The following PBX1 variants were observed in gnomAD, a reference collection of about 807,000 sequenced individuals.
The protein encoded by PBX1 is pre-B-cell leukemia transcription factor 1.
A neutral mutation model predicts 53.4 loss-of-function variants in PBX1; 6 were observed. The observed-to-expected ratio is 0.11, with a 90% CI of 0.06 to 0.22. PBX1 has a LOEUF of 0.22. PBX1 is among the 10% of genes least tolerant of loss of function. The pLI, the probability that PBX1 is intolerant of heterozygous loss-of-function variation, is 1.00. For synonymous variants in PBX1, 204 were observed against 212.3 expected, an observed-to-expected ratio of 0.96 and a Z score of 0.34; for missense variants, 251 against 551.4, an observed-to-expected ratio of 0.46 and a Z score of 5.46.
intron 3 of PBX1, among the ~76,000 whole-genome samples, chr1:164,797,317 G>C (rs187753804): frequency 8.5e-5 from 13 of 152,294 alleles, no homozygotes; most frequent in African/African-American, 3.1e-4. Flanking sequence ...GAGCCCAGAC[G>C]AGGTGGGGAG....
chr1:164,706,085 T>A (rs978828548), intron 2 of PBX1, among the ~76,000 whole-genome samples: 2 of 150,478 alleles, frequency 1.3e-5, no homozygotes, highest in African/African-American at 5.0e-5. Context: ...TGTGACTTAC[T>A]AAGGAGTATC....
intron 2 of PBX1, among the ~76,000 whole-genome samples, chr1:164,699,078 C>A (rs372323770): frequency 2.0e-5 from 3 of 152,128 alleles, no homozygotes; most frequent in African/African-American, 7.2e-5. Context: ...CAGACTGAGT[C>A]TATACAGAAT....
chr1:164,820,091 C>T lies in PBX1; in HGVS notation c.1017C>T (p.Asn339=). 7 of 1,611,334 alleles carry T rather than the reference C, an allele frequency of 4.3e-6. No homozygotes were observed. Among genetic ancestry groups the T allele is most frequent in the Non-Finnish European group, 5.9e-6 (7 of 1,177,830 alleles). The change falls in exon 7 of 9, where the codon AAC becomes AAT. Residue 339 remains asparagine, a synonymous_variant. Coordinates refer to ENST00000420696, the MANE Select transcript of PBX1 (RefSeq NM_002585.4). Reference sequence around the variant, plus strand: ...TTCCAGGTTCTTCCAGTTCTTTTAACATGTCAAACTCTGGAGATTTGTTCA... The same window carrying T: ...TTCCAGGTTCTTCCAGTTCTTTTAATATGTCAAACTCTGGAGATTTGTTCA... ...PNSAGSSSSF[N]MSNSGDLFMS...
intron 2 of PBX1, among the ~76,000 whole-genome samples, chr1:164,739,771 G>A (rs1010683664): frequency 6.6e-6 from 1 of 151,576 alleles, no homozygotes; most frequent in Non-Finnish European, 1.5e-5. Flanking sequence ...GTGTGTGTGT[G>A]TGTGTGTGTG....
intron 2 of PBX1, among the ~76,000 whole-genome samples, chr1:164,757,787 T>C (rs1421648853): frequency 7.9e-6 from 1 of 125,988 alleles, no homozygotes; most frequent in Non-Finnish European, 1.7e-5. Context: ...TCACATTAGG[T>C]TGGGTTGACC....
Position 164,647,614 on chromosome 1 carries a change from A to C in PBX1, c.265+84303A>C, listed in dbSNP as rs182854227. 2.6e-5 allele frequency among the ~76,000 whole-genome samples: 4 copies of C among 152,226 alleles called. No homozygotes were observed. In the East Asian group the frequency reaches 7.7e-4, roughly 29 times the overall value. ...TGTTACGGCAATAAAAATCATCATA[A>C]AATTTTTTTTAATGTTATGCATAAA... On this transcript the variant is annotated intron_variant, in intron 2 of 8. Transcript: ENST00000420696.
At chr1:164,645,745 T>C (rs1322503707) in intron 2 of PBX1, among the ~76,000 whole-genome samples, 1 of 152,134 alleles carries the variant, frequency 6.6e-6, no homozygotes, top group Non-Finnish European at 1.5e-5. Flanking sequence ...CCCAGGGAAA[T>C]TGGAAATGGT....
chr1:164,723,703 G>A (rs1158168382), intron 2 of PBX1, among the ~76,000 whole-genome samples: 1 of 152,182 alleles, frequency 6.6e-6, no homozygotes, highest in East Asian at 1.9e-4. Flanking sequence ...CTATGCGCCG[G>A]AAGCTTAATT....
chr1:164,822,275 A>G (rs1398022797), intron 8 of PBX1, among the ~76,000 whole-genome samples: 4 of 152,070 alleles, frequency 2.6e-5, no homozygotes, highest in African/African-American at 9.7e-5. Flanking sequence ...TCTCAGATCA[A>G]TCGTCTGCTT....
At chr1:164,884,782 A>C (rs1672739316) in intron 2 of PBX1, among the ~76,000 whole-genome samples, 1 of 152,210 alleles carries the variant, frequency 6.6e-6, no homozygotes. Context: ...AGAGCCCCAA[A>C]GCAATAATCT....
intron 2 of PBX1, among the ~76,000 whole-genome samples, chr1:164,746,982 T>A (rs1254591656): frequency 6.6e-6 from 1 of 152,192 alleles, no homozygotes; most frequent in African/African-American, 2.4e-5. Context: ...GAAATTCTTT[T>A]GAAAAATCAC....
chr1:164,616,252 A>G lies in PBX1; in HGVS notation c.265+52941A>G, dbSNP rs145038869. Among the ~76,000 whole-genome samples, 664 of 152,226 alleles carry G rather than the reference A, an allele frequency of 4.4e-3. 4 individuals are homozygous for G. The highest frequency in any genetic ancestry group is 6.8e-3 in the Non-Finnish European group (465 of 68,028). On this transcript the variant is annotated intron_variant, in intron 2 of 8. Coordinates refer to ENST00000420696, the MANE Select transcript of PBX1 (RefSeq NM_002585.4). The stretch of plus-strand genomic sequence containing the variant: ...GCCACCAGCGTCTAGGCCAGGAGGC[A>G]CACTGCTGCTGCCTGGTGCCCTCAT...
At chr1:164,693,335 A>G (rs1662608793) in intron 2 of PBX1, among the ~76,000 whole-genome samples, 1 of 152,234 alleles carries the variant, frequency 6.6e-6, no homozygotes, top group African/African-American at 2.4e-5. Context: ...TGAGGGAGCT[A>G]TTACAATTAT....
At chr1:164,660,695 A>G (rs906006259) in intron 2 of PBX1, among the ~76,000 whole-genome samples, 6 of 152,190 alleles carry the variant, frequency 3.9e-5, no homozygotes, top group African/African-American at 9.7e-5. Flanking sequence ...TTTTATGTAC[A>G]TCATCCTTGA....
intron 2 of PBX1, among the ~76,000 whole-genome samples, chr1:164,772,022 A>T (rs1327521213): frequency 6.6e-6 from 1 of 152,208 alleles, no homozygotes; most frequent in Admixed American, 6.5e-5. Context: ...GGGGGAAAAA[A>T]ATCCTGCCCC....
At chr1:164,564,449 GCTCT>G (rs1234981265) in intron 2 of PBX1, among the ~76,000 whole-genome samples, 2 of 152,042 alleles carry the variant, frequency 1.3e-5, no homozygotes, top group African/African-American at 2.4e-5. Flanking sequence ...CTTTTTGAGA[GCTCT>G]CTGTGTTTTT....
chr1:164,773,243 G>GCGCGCACA (rs113836981), intron 2 of PBX1, among the ~76,000 whole-genome samples: 1 of 147,680 alleles, frequency 6.8e-6, no homozygotes, highest in South Asian at 2.2e-4. Flanking sequence ...GGTAACACGC[G>GCGCGCACA]CACACACACA....
At chr1:164,731,516 AC>A (rs1463711173) in intron 2 of PBX1, among the ~76,000 whole-genome samples, 1 of 152,180 alleles carries the variant, frequency 6.6e-6, no homozygotes, top group Non-Finnish European at 1.5e-5. Context: ...TTAAGCAGGG[AC>A]CAAGAGGTCC....
chr1:164,710,438 T>C (rs1392140660), intron 2 of PBX1, among the ~76,000 whole-genome samples: 1 of 151,236 alleles, frequency 6.6e-6, no homozygotes, highest in Non-Finnish European at 1.5e-5. Context: ...TGAGATGGAG[T>C]TTTGTTCTTG....
Sources: allele counts gnomAD v4.1 joint callset (sites outside exome capture counted in the v4.1 genomes callset), GRCh38; gene constraint gnomAD v4.1.1; transcripts MANE v1.5; gene names NCBI Gene and HGNC (gene_info 2026-07-23, HGNC 2026-07-21).